MAP3K14: variants seen among roughly 807,000 people sequenced by gnomAD.
The protein encoded by MAP3K14 is NF-kappa-beta-inducing kinase.
Under a neutral mutation model 99.2 loss-of-function variants are expected in MAP3K14, and 16 were observed. The observed-to-expected ratio is 0.16, with a 90% CI of 0.11 to 0.24. MAP3K14 has a LOEUF of 0.24. Ranked by LOEUF, MAP3K14 falls within the 10% of genes least tolerant of loss-of-function variation. The probability of loss-of-function intolerance (pLI) is 1.00; values close to 1 mark genes in which losing one functional copy is unlikely to be tolerated. For missense variants in MAP3K14, 784 were observed against 1,208.7 expected (o/e 0.65, Z 5.21); for synonymous variants, 462 against 492.4 (o/e 0.94, Z 0.82).
At chr17:45,275,278 G>A in intron 6 of MAP3K14, among the ~76,000 whole-genome samples, 1 of 151,826 alleles carries the variant, frequency 6.6e-6, no homozygotes, top group African/African-American at 2.4e-5. Context: ...GACCATCTTG[G>A]CCAACATGGC....
intron 5 of MAP3K14, among the ~76,000 whole-genome samples, chr17:45,285,362 A>G (rs2044255260): frequency 6.6e-6 from 1 of 152,202 alleles, no homozygotes; most frequent in African/African-American, 2.4e-5. Context: ...ATGGTGGCTC[A>G]CGCCTGTAAT....
chr17:45,274,859 C>T lies in MAP3K14; in HGVS notation c.1291-266G>A, dbSNP rs527860652. On this transcript the variant is annotated intron_variant, in intron 6 of 15. Coordinates refer to ENST00000344686, the MANE Select transcript of MAP3K14 (RefSeq NM_003954.5). ...AGCCACATAAAAACTACATCCGCAC[C>T]GGGCGCAGTGGCTCATGCCTATAAT... Among the ~76,000 whole-genome samples, 11 of 152,376 alleles carry T rather than the reference C, an allele frequency of 7.2e-5. 1 individual carries two copies. In the South Asian group the frequency reaches 1.0e-3, roughly 14 times the overall value.
At chr17:45,293,064 C>T (rs1320284831) in intron 1 of MAP3K14, among the ~76,000 whole-genome samples, 1 of 152,196 alleles carries the variant, frequency 6.6e-6, no homozygotes, top group African/African-American at 2.4e-5. Context: ...CACAGTGCCT[C>T]CCCAGTGTAT....
chr17:45,292,877 A>G (rs1252875966), intron 1 of MAP3K14, among the ~76,000 whole-genome samples: 1 of 152,192 alleles, frequency 6.6e-6, no homozygotes, highest in Admixed American at 6.5e-5. Context: ...AATTCAGTGG[A>G]GACTTGCCCA....
At chr17:45,271,924 T>TA (rs2044145468) in intron 9 of MAP3K14, among the ~76,000 whole-genome samples, 3 of 152,034 alleles carry the variant, frequency 2.0e-5, no homozygotes. Context: ...ATAGAAAACT[T>TA]ATATGCGTAA....
Position 45,274,211 on chromosome 17 carries a change from T to C in MAP3K14, c.1464A>G (p.Pro488=), listed in dbSNP as rs777565576. The C allele has an allele frequency of 1.4e-5, 22 of 1,598,680 alleles. No individual in the cohort carries two copies. The highest frequency in any genetic ancestry group is 1.7e-5 in the Non-Finnish European group (20 of 1,172,622). ...GQLVKEQGCL[P]EDRALYYLGQ... ...CCAGGTAGTACAGGGCCCGGTCCTC[T>C]GGGAGACAGCCCTGCTCCTTGACCA... The change falls in exon 8 of 16, where the codon CCA becomes CCG. Residue 488 remains proline, a synonymous_variant. Coordinates refer to ENST00000344686, the MANE Select transcript of MAP3K14 (RefSeq NM_003954.5).
intron 11 of MAP3K14, among the ~76,000 whole-genome samples, chr17:45,269,999 T>TCCTGCTGTGGGATCTGATGCTA (rs2044129739): frequency 6.6e-6 from 1 of 152,094 alleles, no homozygotes; most frequent in South Asian, 2.1e-4. Context: ...GATCGAGCCC[T>TCCTGCTGTGGGATCTGATGCTA]CCTGCTGTGG....
At chr17:45,307,144 G>C (rs868225954) in intron 1 of MAP3K14, among the ~76,000 whole-genome samples, 17 of 152,170 alleles carry the variant, frequency 1.1e-4, no homozygotes, top group African/African-American at 4.1e-4. Context: ...TGTAATCCCA[G>C]CTACTCGGGA....
chr17:45,274,037 G>C, intron 8 of MAP3K14, 86 bp downstream of exon 8: 1 of 1,504,944 alleles, frequency 6.6e-7, no homozygotes, highest in Non-Finnish European at 9.0e-7. Context: ...GGATGACCAG[G>C]CTAGCCCAGA....
intron 1 of MAP3K14, among the ~76,000 whole-genome samples, chr17:45,301,718 A>G (rs999944061): frequency 2.6e-5 from 4 of 152,190 alleles, no homozygotes; most frequent in African/African-American, 9.7e-5. Context: ...GATACCTAGG[A>G]CATATAGCAA....
intron 1 of MAP3K14, among the ~76,000 whole-genome samples, chr17:45,316,433 C>T (rs938112893): frequency 1.3e-5 from 2 of 152,236 alleles, no homozygotes; most frequent in African/African-American, 4.8e-5. Context: ...GAGGATGCTG[C>T]GGGCGGCCAG....
intron 1 of MAP3K14, among the ~76,000 whole-genome samples, chr17:45,295,950 C>T (rs1309348948): frequency 6.6e-6 from 1 of 152,164 alleles, no homozygotes; most frequent in Admixed American, 6.5e-5. Flanking sequence ...ATGCTTGGAG[C>T]CTTGATTCTC....
intron 1 of MAP3K14, among the ~76,000 whole-genome samples, chr17:45,306,888 T>C (rs891806718): frequency 2.0e-5 from 3 of 152,278 alleles, no homozygotes; most frequent in East Asian, 1.9e-4. Flanking sequence ...CAAGGTAGTA[T>C]TGAGATAAAA....
At position 45,274,264 on chromosome 17, in the gene MAP3K14, CA is replaced by C; in HGVS notation, c.1421-11del. ...TGGCCCAGGGAGCCACCTAGGAGAC[CA>C]AAGGCCAGGCTATACATGGGACTTG... On this transcript the variant is annotated splice_polypyrimidine_tract_variant and intron_variant, in intron 7 of 15. Transcript: ENST00000344686. The C allele has an allele frequency of 1.3e-6, 2 of 1,598,756 alleles. No individual in the cohort carries two copies. Among genetic ancestry groups the C allele is most frequent in the Non-Finnish European group, 1.7e-6 (2 of 1,172,470 alleles).
intron 1 of MAP3K14, among the ~76,000 whole-genome samples, chr17:45,315,895 G>C (rs1163916801): frequency 6.6e-6 from 1 of 152,162 alleles, no homozygotes; most frequent in African/African-American, 2.4e-5. Flanking sequence ...CATCACTAAT[G>C]TTAAGATACT....
At position 45,290,717 on chromosome 17, in the gene MAP3K14, C is replaced by G. The variant is rs565913548; in HGVS notation, c.29G>C (p.Gly10Ala). Residue 10 changes from glycine to alanine, a missense_variant, in exon 2 of 16, where the codon GGT (glycine) becomes GCT (alanine). Gly to Ala is a moderately conservative substitution (Grantham distance 60, BLOSUM62 0). This residue lies in a region of MAP3K14 where 188 missense variants were observed against 313.0 expected (regional missense o/e 0.60). Transcript: ENST00000344686. MAVMEMACP[G>A]APGSAVGQQK... is the part of the protein sequence containing the mutation. The stretch of plus-strand genomic sequence containing the variant: ...CTGCCCCACTGCTGAGCCAGGGGCA[C>G]CTGGGCAGGCCATTTCCATCACTGC... 1.2e-6 allele frequency: 2 copies of G among 1,613,332 alleles called. No homozygotes were observed. The highest frequency in any genetic ancestry group is 1.1e-5 in the South Asian group (1 of 91,064).
chr17:45,276,925 G>C (rs536988825), intron 6 of MAP3K14, among the ~76,000 whole-genome samples: 4 of 147,510 alleles, frequency 2.7e-5, no homozygotes, highest in African/African-American at 1.0e-4. Flanking sequence ...CGCCTCCTGG[G>C]TTCAAGCGAT....
intron 6 of MAP3K14, among the ~76,000 whole-genome samples, chr17:45,276,273 C>T (rs771026823): frequency 4.6e-5 from 7 of 152,194 alleles, no homozygotes; most frequent in African/African-American, 9.7e-5. Flanking sequence ...GGAAATAGGC[C>T]TTGGATATAA....
intron 13 of MAP3K14, 116 bp downstream of exon 13, chr17:45,266,976 T>C: frequency 1.2e-6 from 1 of 810,822 alleles, no homozygotes; most frequent in Non-Finnish European, 2.0e-6. Context: ...ACCCTCCCTT[T>C]ACCCACTACT....
Sources: gnomAD v4.1 joint callset for allele counts (sites outside exome capture counted in the v4.1 genomes callset) on GRCh38, gnomAD v4.1.1 for gene constraint, gnomAD v4.1.1 regional missense constraint, MANE v1.5 for transcripts, NCBI Gene and HGNC (gene_info 2026-07-23, HGNC 2026-07-21) for gene names.